The following CDH13 variants were observed in gnomAD, a reference collection of about 807,000 sequenced individuals.
CDH13 encodes the protein cadherin 13, also known as cadherin-13.
In CDH13, 24 loss-of-function variants were observed where a neutral mutation model predicts 63.8. The observed-to-expected ratio is 0.38, with a 90% CI of 0.27 to 0.53. The LOEUF (loss-of-function observed/expected upper bound fraction) is 0.53, where lower values mean the gene tolerates loss of function less well. Ranked by LOEUF, CDH13 falls within the 20% of genes least tolerant of loss-of-function variation. The pLI is 0.85. For missense variants in CDH13, 1,049 were observed against 903.1 expected (o/e 1.16, Z -2.07); for synonymous variants, 503 against 355.3 (o/e 1.42, Z -4.67).
At chr16:83,110,234 A>C (rs565059656) in intron 3 of CDH13, among the ~76,000 whole-genome samples, 2 of 152,342 alleles carry the variant, frequency 1.3e-5, no homozygotes, top group African/African-American at 4.8e-5. Flanking sequence ...TCACGTTCTG[A>C]TCACTCCATC....
At chr16:83,629,914 GA>G (rs1216837226) in intron 8 of CDH13, among the ~76,000 whole-genome samples, 1 of 152,204 alleles carries the variant, frequency 6.6e-6, no homozygotes, top group Admixed American at 6.5e-5. Flanking sequence ...AGGTAGATGG[GA>G]CAGTCTAGAA....
chr16:83,152,370 C>T (rs968680498), intron 4 of CDH13, among the ~76,000 whole-genome samples: 11 of 151,990 alleles, frequency 7.2e-5, no homozygotes, highest in Non-Finnish European at 1.5e-4. Flanking sequence ...TAGAAAAATG[C>T]ATAAAAATAC....
chr16:82,657,744 A>C (rs916062976), intron 1 of CDH13, among the ~76,000 whole-genome samples: 2 of 152,216 alleles, frequency 1.3e-5, no homozygotes, highest in Admixed American at 1.3e-4. Flanking sequence ...TTGCTGGTAC[A>C]TAGGAAAGTG....
At chr16:83,695,759 T>G (rs771437044) in intron 10 of CDH13, among the ~76,000 whole-genome samples, 14 of 152,170 alleles carry the variant, frequency 9.2e-5, no homozygotes, top group Non-Finnish European at 1.6e-4. Flanking sequence ...TGATAGAGCA[T>G]TATCTCATTA....
At chr16:83,290,430 C>A (rs370676603) in intron 5 of CDH13, among the ~76,000 whole-genome samples, 1 of 152,086 alleles carries the variant, frequency 6.6e-6, no homozygotes, top group Non-Finnish European at 1.5e-5. Flanking sequence ...AGAAGTCTCA[C>A]GAGATCTGAT....
At chr16:83,759,599 T>A (rs376352988) in intron 11 of CDH13, among the ~76,000 whole-genome samples, 180 of 151,888 alleles carry the variant, frequency 1.2e-3, no homozygotes, top group African/African-American at 4.3e-3. Flanking sequence ...AAGTAAAAAG[T>A]AACCTACAGA....
At chr16:82,661,351 T>C (rs1911922971) in intron 1 of CDH13, among the ~76,000 whole-genome samples, 1 of 152,220 alleles carries the variant, frequency 6.6e-6, no homozygotes, top group African/African-American at 2.4e-5. Context: ...GTGGAACAGA[T>C]AGGAACGGGT....
intron 1 of CDH13, among the ~76,000 whole-genome samples, chr16:82,772,402 G>T (rs991856895): frequency 1.3e-5 from 2 of 152,136 alleles, no homozygotes; most frequent in African/African-American, 4.8e-5. Flanking sequence ...ATGTATACCA[G>T]CTGCAATATG....
chr16:83,161,215 A>T (rs2037430013), intron 4 of CDH13, among the ~76,000 whole-genome samples: 1 of 152,164 alleles, frequency 6.6e-6, no homozygotes, highest in Non-Finnish European at 1.5e-5. Flanking sequence ...TTCCAGGGAG[A>T]TATACTAATA....
At chr16:83,273,031 A>C (rs1311457766) in intron 5 of CDH13, among the ~76,000 whole-genome samples, 1 of 152,170 alleles carries the variant, frequency 6.6e-6, no homozygotes, top group Non-Finnish European at 1.5e-5. Context: ...TGGTGCCTAC[A>C]CAACAGGCTT....
At chr16:83,075,891 G>C (rs535499089) in intron 3 of CDH13, among the ~76,000 whole-genome samples, 1 of 152,292 alleles carries the variant, frequency 6.6e-6, no homozygotes, top group Non-Finnish European at 1.5e-5. Flanking sequence ...GGGCAGAATT[G>C]CTGCAAAAAT....
intron 1 of CDH13, among the ~76,000 whole-genome samples, chr16:82,841,016 C>T (rs143529495): frequency 6.6e-5 from 10 of 152,288 alleles, no homozygotes; most frequent in South Asian, 2.1e-4. Context: ...GACTATGAGG[C>T]AAACAGCAGT....
At chr16:82,846,858 A>G (rs1253604587) in intron 1 of CDH13, among the ~76,000 whole-genome samples, 1 of 152,248 alleles carries the variant, frequency 6.6e-6, no homozygotes. Context: ...AATGTCCCAT[A>G]ATTTGAAAGA....
intron 5 of CDH13, among the ~76,000 whole-genome samples, chr16:83,309,897 C>G (rs1039948942): frequency 2.0e-5 from 3 of 151,938 alleles, no homozygotes; most frequent in East Asian, 3.9e-4. Context: ...TGATTTATAT[C>G]CCTGGCAGAA....
At chr16:82,765,852 C>G (rs1362288508) in intron 1 of CDH13, among the ~76,000 whole-genome samples, 1 of 152,104 alleles carries the variant, frequency 6.6e-6, no homozygotes, top group African/African-American at 2.4e-5. Flanking sequence ...TTGGTTTCTT[C>G]TTATAATGAC....
intron 1 of CDH13, among the ~76,000 whole-genome samples, chr16:82,706,800 T>A (rs2031530937): frequency 6.6e-6 from 1 of 151,326 alleles, no homozygotes; most frequent in African/African-American, 2.4e-5. Flanking sequence ...CGAGACTCTG[T>A]CTCAAAAAAA....
intron 4 of CDH13, among the ~76,000 whole-genome samples, chr16:83,177,563 A>T (rs1005848211): frequency 1.3e-5 from 2 of 152,212 alleles, no homozygotes; most frequent in Non-Finnish European, 2.9e-5. Context: ...TGAGGATTAA[A>T]TATAAGAAGA....
intron 11 of CDH13, 77 bp downstream of exon 11, chr16:83,748,327 A>T: frequency 7.3e-7 from 1 of 1,371,128 alleles, no homozygotes; most frequent in African/African-American, 1.4e-5. Flanking sequence ...ATTTCTTCTG[A>T]TACACCCAGG....
intron 11 of CDH13, among the ~76,000 whole-genome samples, chr16:83,779,560 C>A (rs1002348356): frequency 6.6e-6 from 1 of 151,966 alleles, no homozygotes; most frequent in Non-Finnish European, 1.5e-5. Context: ...TGGTGGCTCA[C>A]GCCTGTGATC....
Sources: gnomAD v4.1 joint callset for allele counts (sites outside exome capture counted in the v4.1 genomes callset) on GRCh38, gnomAD v4.1.1 for gene constraint, MANE v1.5 for transcripts, NCBI Gene and HGNC (gene_info 2026-07-23, HGNC 2026-07-21) for gene names.